Variants in VPS13B observed in about 807,000 individuals in gnomAD.
VPS13B encodes intermembrane lipid transfer protein VPS13B.
A neutral mutation model predicts 426.4 loss-of-function variants in VPS13B; 285 were observed. The ratio of observed to expected loss-of-function variants is 0.67; its 90% CI spans 0.61 to 0.74. The LOEUF (loss-of-function observed/expected upper bound fraction) is 0.74. Ranked by LOEUF, VPS13B falls within the 30% of genes least tolerant of loss-of-function variation. VPS13B has a pLI of 0.00. For synonymous variants in VPS13B, 1,676 were observed against 1,676.4 expected (o/e 1.00, Z 0.01); for missense variants, 4,537 against 4,782.6 (o/e 0.95, Z 1.51).
chr8:99,437,222 A>G (rs1258728595), intron 22 of VPS13B, among the ~76,000 whole-genome samples: 2 of 152,142 alleles, frequency 1.3e-5, no homozygotes, highest in Admixed American at 6.6e-5. Flanking sequence ...TTGGAGCCAA[A>G]GTTGGTATTT....
chr8:99,243,545 AG>A (rs1293355603), intron 17 of VPS13B, among the ~76,000 whole-genome samples: 1 of 152,158 alleles, frequency 6.6e-6, no homozygotes, highest in African/African-American at 2.4e-5. Flanking sequence ...ATACATGTAA[AG>A]TTAACTCAGA....
At chr8:99,713,056 A>G (rs926966484) in intron 36 of VPS13B, among the ~76,000 whole-genome samples, 1 of 152,220 alleles carries the variant, frequency 6.6e-6, no homozygotes, top group Admixed American at 6.5e-5. Context: ...TTTTAGTACA[A>G]TATCAGTATT....
chr8:99,746,778 A>T lies in VPS13B; in HGVS notation c.7051-19996A>T, dbSNP rs185880688. ...AGATTAAAAGTAAAGACCAAACTGA[A>T]TGGAATCAACAACATCTGTAGCATT... On this transcript the variant is annotated intron_variant, in intron 39 of 61. Transcript: ENST00000357162. 1.7e-3 allele frequency among the ~76,000 whole-genome samples: 261 copies of T among 152,222 alleles called. 1 individual carries two copies. Among genetic ancestry groups the T allele is most frequent in the Non-Finnish European group, 2.3e-3 (158 of 67,978 alleles).
intron 33 of VPS13B, among the ~76,000 whole-genome samples, chr8:99,634,825 A>C (rs1266559405): frequency 4.6e-5 from 7 of 151,940 alleles, no homozygotes; most frequent in Non-Finnish European, 1.0e-4. Flanking sequence ...GCTTGCTAAG[A>C]TAAATTTCAT....
chr8:99,360,925 A>G (rs754282660), intron 19 of VPS13B, among the ~76,000 whole-genome samples: 4 of 152,190 alleles, frequency 2.6e-5, no homozygotes, highest in Non-Finnish European at 5.9e-5. Flanking sequence ...TTACATCACT[A>G]TAGGATATTA....
intron 27 of VPS13B, among the ~76,000 whole-genome samples, 161 bp from the exon 28 acceptor site, chr8:99,506,976 C>T (rs564366286): frequency 2.6e-4 from 40 of 152,262 alleles, no homozygotes; most frequent in African/African-American, 6.3e-4. Context: ...TGTCAGAGTG[C>T]GGTGCTAATG....
intron 25 of VPS13B, among the ~76,000 whole-genome samples, chr8:99,493,780 T>TAAAAAAAAAAAAAAAAAAAAAA (rs376555643): frequency 6.5e-5 from 4 of 61,126 alleles, no homozygotes; most frequent in Non-Finnish European, 1.3e-4. Context: ...AGACTCTATC[T>TAAAAAAAAAAAAAAAAAAAAAA]AAAAAAAAAA....
At chr8:99,294,542 A>C (rs201034208) in intron 19 of VPS13B, among the ~76,000 whole-genome samples, 3 of 146,374 alleles carry the variant, frequency 2.0e-5, no homozygotes, top group East Asian at 3.9e-4. Flanking sequence ...AAGTATAATA[A>C]AAATAAAATA....
chr8:99,808,446 G>T (rs1185267521), intron 43 of VPS13B, among the ~76,000 whole-genome samples: 1 of 150,508 alleles, frequency 6.6e-6, no homozygotes, highest in African/African-American at 2.5e-5. Flanking sequence ...AACCCAGGAC[G>T]TGGAGGTTGC....
At chr8:99,214,832 C>T (rs1194537617) in intron 17 of VPS13B, among the ~76,000 whole-genome samples, 2 of 152,142 alleles carry the variant, frequency 1.3e-5, no homozygotes, top group Admixed American at 6.6e-5. Flanking sequence ...CCTTCACTGA[C>T]TTCATATTAA....
intron 39 of VPS13B, among the ~76,000 whole-genome samples, chr8:99,723,703 G>A (rs914633909): frequency 6.6e-6 from 1 of 152,096 alleles, no homozygotes; most frequent in African/African-American, 2.4e-5. Flanking sequence ...TGGCATATAA[G>A]CAAAACACAG....
chr8:99,296,584 T>C (rs1820054538), intron 19 of VPS13B, among the ~76,000 whole-genome samples: 1 of 152,224 alleles, frequency 6.6e-6, no homozygotes, highest in South Asian at 2.1e-4. Flanking sequence ...TGCATATTTA[T>C]GCAAGGATGG....
At chr8:99,750,887 G>A (rs1286421140) in intron 39 of VPS13B, among the ~76,000 whole-genome samples, 2 of 152,128 alleles carry the variant, frequency 1.3e-5, no homozygotes, top group Non-Finnish European at 2.9e-5. Flanking sequence ...AGTTTTGAAA[G>A]ATGGATGAGA....
chr8:99,751,971 G>T (rs954636057), intron 39 of VPS13B, among the ~76,000 whole-genome samples: 2 of 152,218 alleles, frequency 1.3e-5, no homozygotes, highest in Middle Eastern at 3.4e-3. Context: ...TTTTATAATG[G>T]ACAGTAAGCC....
At chr8:99,586,738 T>C (rs1399312625) in intron 33 of VPS13B, among the ~76,000 whole-genome samples, 5 of 152,114 alleles carry the variant, frequency 3.3e-5, no homozygotes, top group Admixed American at 6.6e-5. Context: ...GAATCAATAT[T>C]GTGAAAGTGG....
intron 50 of VPS13B, 66 bp from the exon 51 acceptor site, chr8:99,823,766 A>G: frequency 6.5e-7 from 1 of 1,529,438 alleles, no homozygotes; most frequent in South Asian, 1.1e-5. Flanking sequence ...CCTTTTAGGA[A>G]TACTCAAGAG....
At chr8:99,766,365 C>G (rs897384139) in intron 39 of VPS13B, among the ~76,000 whole-genome samples, 1 of 152,130 alleles carries the variant, frequency 6.6e-6, no homozygotes, top group Non-Finnish European at 1.5e-5. Flanking sequence ...ATTACAGGCA[C>G]AAGCCACCAT....
intron 34 of VPS13B, among the ~76,000 whole-genome samples, chr8:99,644,583 G>A (rs1829504041): frequency 6.6e-6 from 1 of 152,134 alleles, no homozygotes; most frequent in South Asian, 2.1e-4. Flanking sequence ...GGGGGTAAAT[G>A]TAGGAGGAAA....
chr8:99,791,755 C>T (rs1351252922), intron 43 of VPS13B, among the ~76,000 whole-genome samples: 2 of 147,978 alleles, frequency 1.4e-5, no homozygotes, highest in African/African-American at 5.0e-5. Context: ...TACCTGAAGG[C>T]TCTGGAGACT....
Sources: allele counts gnomAD v4.1 joint callset (sites outside exome capture counted in the v4.1 genomes callset), GRCh38; gene constraint gnomAD v4.1.1; transcripts MANE v1.5; gene names NCBI Gene and HGNC (gene_info 2026-07-23, HGNC 2026-07-21).